The following RNF168 variants were observed in gnomAD, a reference collection of about 807,000 sequenced individuals.
RNF168 encodes E3 ubiquitin-protein ligase RNF168.
RNF168 carries 34 observed loss-of-function variants against 34.9 expected under a neutral mutation model. The ratio of observed to expected loss-of-function variants is 0.97; its 90% confidence interval spans 0.74 to 1.30. The LOEUF is 1.30. Among genes scored for constraint, RNF168 ranks in the 50% most tolerant of loss-of-function variants. RNF168 has a pLI of 0.00. For synonymous variants in RNF168, 264 were observed against 254.7 expected (o/e 1.04, Z -0.35); for missense variants, 725 against 682.5 (o/e 1.06, Z -0.69).
Position 196,502,889 on chromosome 3 carries a change from T to C in RNF168, c.285A>G (p.Gln95=). The change falls in exon 1 of 6, where the codon CAA becomes CAG. Residue 95 remains glutamine, a synonymous_variant. Transcript: ENST00000318037. ...TTTACTCACCCACTTCCTCTGATTC[T>C]TGGCCAGACGCTCTAAGCTTGCACT... ...PRECKLRASG[Q]ESEEVADDYQ... 6.2e-7 allele frequency: 1 copy of C among 1,614,146 alleles called. No homozygotes were observed. The highest frequency in any genetic ancestry group is 8.5e-7 in the Non-Finnish European group (1 of 1,179,970).
intron 4 of RNF168, among the ~76,000 whole-genome samples, chr3:196,478,495 C>T (rs780970479): frequency 6.6e-5 from 10 of 152,128 alleles, no homozygotes; most frequent in Admixed American, 2.6e-4. Flanking sequence ...TGTGGCTCCA[C>T]GGGAGTCGCT....
At position 196,487,310 on chromosome 3, in the gene RNF168, T is replaced by C. The variant is rs1732453748; in HGVS notation, c.558+89A>G. The C allele has an allele frequency of 6.2e-6, 7 of 1,132,222 alleles. No homozygotes were observed. In the Admixed American group the frequency reaches 8.4e-5, roughly 14 times the overall value. The allele number at this position is 1,132,222 out of a possible 1,614,324, so 70.1% of individuals were successfully genotyped here. A position where few individuals can be genotyped will look rare whatever the true frequency, so the allele number is the denominator to read the frequency against. On this transcript the variant is annotated intron_variant, in intron 3 of 5. Transcript: ENST00000318037. ...ATTTGTGGGATGCAGAACCTGGAAATACAAGGAGCTGACTCTTCCCATGAG... is the reference window on the plus strand; with the variant it reads ...ATTTGTGGGATGCAGAACCTGGAAACACAAGGAGCTGACTCTTCCCATGAG...
chr3:196,481,569 C>A (rs1732290145), intron 4 of RNF168, among the ~76,000 whole-genome samples: 1 of 151,476 alleles, frequency 6.6e-6, no homozygotes. Context: ...GAATTATCAT[C>A]TCGTGTATTT....
intron 1 of RNF168, among the ~76,000 whole-genome samples, chr3:196,495,936 A>G (rs1254875172): frequency 6.6e-6 from 1 of 152,166 alleles, no homozygotes; most frequent in African/African-American, 2.4e-5. Context: ...ACACTAATTC[A>G]CTTTCAAATA....
chr3:196,474,879 A>G lies in RNF168; in HGVS notation c.762+352T>C, dbSNP rs996948191. The G allele has an allele frequency of 1.5e-5, 4 of 266,906 alleles. No homozygotes were observed. In the East Asian group the frequency reaches 2.7e-4, roughly 18 times the overall value. 16.5% of individuals were successfully genotyped at this position (266,906 alleles called of 1,614,324 possible). ...AATCCAGCCTCCTGCCTGTTTTTGT[A>G]AACAAAGTTTTACTGGAATGCATTC... On this transcript the variant is annotated intron_variant, in intron 5 of 5. Coordinates refer to ENST00000318037, the MANE Select transcript of RNF168 (RefSeq NM_152617.4).
chr3:196,503,493 C>A lies in RNF168; in HGVS notation c.-320G>T, dbSNP rs988385875. On this transcript the variant is annotated 5_prime_UTR_variant, in exon 1 of 6. Transcript: ENST00000318037. ...AACACCGCGGCTGCGGCTCCCGGGGCAGCGAGGGGAACGCGCCAAGTCCTC... is the reference window on the plus strand; with the variant it reads ...AACACCGCGGCTGCGGCTCCCGGGGAAGCGAGGGGAACGCGCCAAGTCCTC... The A allele has an allele frequency of 2.5e-6, 1 of 397,926 alleles. No homozygotes were observed. The highest frequency in any genetic ancestry group is 5.9e-5 in the East Asian group (1 of 16,990). 24.6% of individuals were successfully genotyped at this position (397,926 alleles called of 1,614,324 possible).
At position 196,475,306 on chromosome 3, in the gene RNF168, C is replaced by A; in HGVS notation, c.687G>T (p.Leu229Phe). Residue 229 changes from leucine (L) to phenylalanine (F), a missense_variant, in exon 5 of 6, where the codon TTG (leucine) becomes TTT (phenylalanine). Coordinates refer to ENST00000318037, the MANE Select transcript of RNF168 (RefSeq NM_152617.4). ...CTGACCCAAACTGAGATTTCGGTGT[C>A]AAATACCTAAAAGAAAAGTTTACCA... Reference protein sequence around the residue: ...QRNTGDIQKYLTPKSQFGSAS... With the variant: ...QRNTGDIQKYFTPKSQFGSAS... 1 of 1,601,986 alleles carries A rather than the reference C, an allele frequency of 6.2e-7. No homozygotes were observed. Among genetic ancestry groups the A allele is most frequent in the South Asian group, 1.1e-5 (1 of 90,802 alleles).
chr3:196,486,152 A>G (rs1732416113), intron 3 of RNF168, among the ~76,000 whole-genome samples: 1 of 152,214 alleles, frequency 6.6e-6, no homozygotes, highest in African/African-American at 2.4e-5. Context: ...TTAATACATT[A>G]TCTAAAAATT....
In RNF168 at chr3:196,496,520, C is replaced by A. The variant is rs758385198; in HGVS notation, c.301+6353G>T. Reference sequence around the variant, plus strand: ...AATGGATTAGGGCCCATTCTAATGACCTTATTTTAACTTCATTACTGAAAA... The same window carrying A: ...AATGGATTAGGGCCCATTCTAATGAACTTATTTTAACTTCATTACTGAAAA... On this transcript the variant is annotated intron_variant, in intron 1 of 5. Coordinates refer to ENST00000318037, the MANE Select transcript of RNF168 (RefSeq NM_152617.4). Among the ~76,000 whole-genome samples, 5 of 152,278 alleles carry A rather than the reference C, an allele frequency of 3.3e-5. No homozygotes were observed. The Middle Eastern group carries it at 0.01, about 311-fold the overall frequency.
intron 4 of RNF168, among the ~76,000 whole-genome samples, chr3:196,476,216 G>A (rs1040488269): frequency 1.3e-5 from 2 of 152,070 alleles, no homozygotes; most frequent in African/African-American, 4.8e-5. Flanking sequence ...TCAAAACAAT[G>A]CAAGACTCTA....
Position 196,469,347 on chromosome 3 carries a change from C to T in RNF168, c.*2472G>A, listed in dbSNP as rs1680162828. The T allele has an allele frequency of 6.6e-6, 1 of 152,104 alleles. No individual in the cohort carries two copies. The highest frequency in any genetic ancestry group is 2.4e-5 in the African/African-American group (1 of 41,414). 9.4% of individuals were successfully genotyped at this position (152,104 alleles called of 1,614,324 possible). A position where few individuals can be genotyped will look rare whatever the true frequency, so the allele number is the denominator to read the frequency against. On this transcript the variant is annotated 3_prime_UTR_variant, in exon 6 of 6. Coordinates refer to ENST00000318037, the MANE Select transcript of RNF168 (RefSeq NM_152617.4). Reference sequence around the variant, plus strand: ...ACAATCATTACTCAGAGGACAATCACCTTAAGAGGCAAATTAAGTTTTAAA... The same window carrying T: ...ACAATCATTACTCAGAGGACAATCATCTTAAGAGGCAAATTAAGTTTTAAA...
intron 1 of RNF168, among the ~76,000 whole-genome samples, chr3:196,493,855 A>C (rs1403120250): frequency 7.8e-6 from 1 of 128,186 alleles, no homozygotes; most frequent in East Asian, 2.2e-4. Context: ...TTTTAAATTT[A>C]TTTTTTTTTT....
Position 196,472,760 on chromosome 3 carries a change from T to C in RNF168, c.775A>G (p.Ser259Gly). Reference sequence around the variant, plus strand: ...TGCCCTGTTGGGCTTTTCCTATCACTACTGTCAATGTCCTGTAGAAAACAG... The same window carrying C: ...TGCCCTGTTGGGCTTTTCCTATCACCACTGTCAATGTCCTGTAGAAAACAG... Reference protein sequence around the residue: ...KDSVSKDIDSSDRKSPTGQDT... With the variant: ...KDSVSKDIDSGDRKSPTGQDT... Residue 259 changes from serine (S) to glycine (G), a missense_variant, in exon 6 of 6, where the codon AGT becomes GGT. Ser to Gly is a moderately conservative substitution (Grantham distance 56). Transcript: ENST00000318037. 6.2e-7 allele frequency: 1 copy of C among 1,604,142 alleles called. No individual in the cohort carries two copies. The highest frequency in any genetic ancestry group is 8.5e-7 in the Non-Finnish European group (1 of 1,171,468).
At chr3:196,474,124 ATTTT>A (rs758504791) in intron 5 of RNF168, among the ~76,000 whole-genome samples, 1 of 124,312 alleles carries the variant, frequency 8.0e-6, no homozygotes. Context: ...TCATCTTGCA[ATTTT>A]TTTTTTTTTT....
chr3:196,499,630 G>C (rs1732832304), intron 1 of RNF168, among the ~76,000 whole-genome samples: 2 of 152,212 alleles, frequency 1.3e-5, no homozygotes, highest in South Asian at 2.1e-4. Flanking sequence ...AGACCATCCT[G>C]ACCAACACAG....
At chr3:196,497,698 AG>A (rs971860471) in intron 1 of RNF168, among the ~76,000 whole-genome samples, 5 of 152,270 alleles carry the variant, frequency 3.3e-5, no homozygotes, top group South Asian at 2.1e-4. Context: ...TAAATCTTTT[AG>A]AAAAAAAAAT....
In RNF168 at chr3:196,472,507, G is replaced by T; in HGVS notation, c.1028C>A (p.Thr343Asn). ...PKTRVPYSKE[T>N]AVMPCGRTES... The stretch of plus-strand genomic sequence containing the variant: ...TGTTCTGCCACAAGGCATAACTGCA[G>T]TTTCTTTCGAGTAGGGAACTCTGGT... The change falls in exon 6 of 6, where the codon ACT (threonine) becomes AAT (asparagine). Residue 343 changes from threonine to asparagine, a missense_variant. Coordinates refer to ENST00000318037, the MANE Select transcript of RNF168 (RefSeq NM_152617.4). 4 of 1,614,250 alleles carry T rather than the reference G, an allele frequency of 2.5e-6. No individual in the cohort carries two copies. Among genetic ancestry groups the T allele is most frequent in the Non-Finnish European group, 3.4e-6 (4 of 1,180,044 alleles).
chr3:196,496,496 A>G lies in RNF168; in HGVS notation c.301+6377T>C, dbSNP rs574767093. Among the ~76,000 whole-genome samples the G allele has an allele frequency of 2.6e-5, 4 of 152,292 alleles. No homozygotes were observed. The East Asian group carries it at 7.7e-4, about 29-fold the overall frequency. ...CCTTTTTATAAGGAAACCAGTCATA[A>G]TGGATTAGGGCCCATTCTAATGACC... On this transcript the variant is annotated intron_variant, in intron 1 of 5. Coordinates refer to ENST00000318037, the MANE Select transcript of RNF168 (RefSeq NM_152617.4).
Position 196,503,210 on chromosome 3 carries a change from C to A in RNF168, c.-37G>T. On this transcript the variant is annotated 5_prime_UTR_variant, in exon 1 of 6. It adds an upstream start codon to the 5' untranslated region. Transcript: ENST00000318037. ...AGTAAAGCCGACTAAACAACGACAC[C>A]TGCACGAAAAAGAATCCTATTTTCG... is the stretch of plus-strand genomic sequence containing the variant. 1 of 1,587,696 alleles carries A rather than the reference C, an allele frequency of 6.3e-7. No individual in the cohort carries two copies. The highest frequency in any genetic ancestry group is 8.6e-7 in the Non-Finnish European group (1 of 1,156,250).
Sources: gnomAD v4.1 joint callset for allele counts (sites outside exome capture counted in the v4.1 genomes callset) on GRCh38, gnomAD v4.1.1 for gene constraint, MANE v1.5 for transcripts, NCBI Gene and HGNC (gene_info 2026-07-23, HGNC 2026-07-21) for gene names.